The following CERT1 variants were observed in gnomAD, a reference collection of about 807,000 sequenced individuals.
CERT1 encodes the protein ceramide transporter 1, also known as ceramide transfer protein.
In CERT1, 31 loss-of-function variants were observed where a neutral mutation model predicts 87.9. The ratio of observed to expected loss-of-function variants is 0.35; its 90% confidence interval spans 0.27 to 0.48. The LOEUF is 0.48. Among genes scored for constraint, CERT1 ranks in the 20% least tolerant of loss-of-function variants. The pLI is 0.99. For missense variants in CERT1, 487 were observed against 758.0 expected (o/e 0.64, Z 4.20); for synonymous variants, 289 against 250.9 (o/e 1.15, Z -1.44).
intron 6 of CERT1, among the ~76,000 whole-genome samples, chr5:75,417,336 G>C (rs1181825174): frequency 1.3e-5 from 2 of 151,992 alleles, no homozygotes; most frequent in Non-Finnish European, 2.9e-5. Flanking sequence ...CATTCTGACA[G>C]CTTAGAGTAG....
At chr5:75,414,490 C>T (rs1346607969) in intron 7 of CERT1, among the ~76,000 whole-genome samples, 1 of 152,108 alleles carries the variant, frequency 6.6e-6, no homozygotes, top group African/African-American at 2.4e-5. Context: ...TGTAAAAGTA[C>T]ACACCTGTGA....
At chr5:75,425,318 C>T in intron 5 of CERT1, 43 bp downstream of exon 5, 4 of 1,570,414 alleles carry the variant, frequency 2.5e-6, no homozygotes, top group Non-Finnish European at 3.5e-6. Context: ...GCTTTTAATC[C>T]ATTCATTCTC....
At chr5:75,406,651 T>C (rs1156850624) in intron 8 of CERT1, among the ~76,000 whole-genome samples, 4 of 151,988 alleles carry the variant, frequency 2.6e-5, no homozygotes, top group Non-Finnish European at 1.5e-5. Context: ...GCAATTCTCC[T>C]GCCTCAGACT....
At chr5:75,500,197 A>C (rs182531439) in intron 2 of CERT1, among the ~76,000 whole-genome samples, 33 of 152,276 alleles carry the variant, frequency 2.2e-4, no homozygotes, top group African/African-American at 7.0e-4. Context: ...CAACAGAAGG[A>C]ACCAACCCTG....
intron 2 of CERT1, among the ~76,000 whole-genome samples, chr5:75,501,643 G>A (rs1767373915): frequency 6.6e-6 from 1 of 152,158 alleles, no homozygotes; most frequent in South Asian, 2.1e-4. Context: ...CAGAGGATAA[G>A]AAGGACAAGC....
Position 75,511,602 on chromosome 5 carries a change from C to G in CERT1, c.-395G>C. 6.8e-7 allele frequency: 1 copy of G among 1,467,278 alleles called. No individual in the cohort carries two copies. Among genetic ancestry groups the G allele is most frequent in the African/African-American group, 1.4e-5 (1 of 71,020 alleles). The allele number at this position is 1,467,278 out of a possible 1,614,324, so 90.9% of individuals were successfully genotyped here. On this transcript the variant is annotated 5_prime_UTR_variant, in exon 1 of 17. Transcript: ENST00000643780. ...CGTCCACTCACACCTCCGCTACCGC[C>G]GCCATCTTCCTGCCTGGCCCACTAT...
In CERT1 at chr5:75,437,768, TAA is replaced by T. The variant is rs201506124; in HGVS notation, c.349-11292_349-11291del. ...GCAACAGAGTGAGACTCTGTCTCAT[TAA>T]AAAAAAAAAAAAAAAAGAAAAAAGA... is the stretch of plus-strand genomic sequence containing the variant. On this transcript the variant is annotated intron_variant, in intron 3 of 16. Coordinates refer to ENST00000643780, the MANE Select transcript of CERT1 (RefSeq NM_001379029.1). 7.7e-3 allele frequency among the ~76,000 whole-genome samples: 857 copies of T among 110,590 alleles called. 11 individuals are homozygous for T. The highest frequency in any genetic ancestry group is 0.053 in the East Asian group (217 of 4,114). The allele number at this position is 110,590 out of a possible 152,430, so 72.6% of individuals were successfully genotyped here.
intron 5 of CERT1, among the ~76,000 whole-genome samples, chr5:75,424,873 T>C (rs773532059): frequency 1.3e-5 from 2 of 152,104 alleles, no homozygotes; most frequent in Non-Finnish European, 2.9e-5. Flanking sequence ...AACACTTTGG[T>C]AGGCCGAAGT....
intron 2 of CERT1, among the ~76,000 whole-genome samples, chr5:75,490,242 T>C (rs533703289): frequency 1.3e-5 from 2 of 152,218 alleles, no homozygotes; most frequent in African/African-American, 4.8e-5. Context: ...AAATACCTAG[T>C]GTAGATGACA....
At chr5:75,417,790 A>G (rs533973785) in intron 6 of CERT1, among the ~76,000 whole-genome samples, 2 of 152,258 alleles carry the variant, frequency 1.3e-5, no homozygotes, top group Non-Finnish European at 2.9e-5. Context: ...ACAAACTGGG[A>G]GAAAATCTTG....
At chr5:75,427,927 T>A (rs1561255388) in intron 3 of CERT1, among the ~76,000 whole-genome samples, 1 of 152,198 alleles carries the variant, frequency 6.6e-6, no homozygotes, top group Non-Finnish European at 1.5e-5. Context: ...ATTTTTAGTA[T>A]CAAACCTATG....
intron 2 of CERT1, among the ~76,000 whole-genome samples, chr5:75,501,720 T>C (rs865894918): frequency 2.6e-5 from 4 of 152,258 alleles, no homozygotes; most frequent in Middle Eastern, 6.8e-3. Flanking sequence ...ATGATGAAAG[T>C]GGTGTTTGAA....
chr5:75,504,232 C>T (rs987684636), intron 2 of CERT1, among the ~76,000 whole-genome samples: 1 of 151,984 alleles, frequency 6.6e-6, no homozygotes, highest in Non-Finnish European at 1.5e-5. Context: ...GAATAATGAT[C>T]TATCTCGGAA....
At chr5:75,410,842 A>C in intron 8 of CERT1, 169 bp downstream of exon 8, 1 of 415,234 alleles carries the variant, frequency 2.4e-6, no homozygotes, top group Non-Finnish European at 4.2e-6. Context: ...TATATATTTG[A>C]GCATGCCTGG....
At chr5:75,406,775 C>A (rs1223663138) in intron 8 of CERT1, among the ~76,000 whole-genome samples, 1 of 152,058 alleles carries the variant, frequency 6.6e-6, no homozygotes. Context: ...GAACTCCTGA[C>A]CTCAGGTGAT....
At chr5:75,396,440 A>C (rs1762256998) in intron 11 of CERT1, among the ~76,000 whole-genome samples, 1 of 152,164 alleles carries the variant, frequency 6.6e-6, no homozygotes, top group Non-Finnish European at 1.5e-5. Flanking sequence ...ATTAAGAACG[A>C]TGTAGGCCAG....
chr5:75,406,542 C>CTTTTTT (rs869232885), intron 8 of CERT1, among the ~76,000 whole-genome samples: 7 of 139,434 alleles, frequency 5.0e-5, no homozygotes, highest in Non-Finnish European at 1.1e-4. Flanking sequence ...TATGGTAAGT[C>CTTTTTT]TTTTTTTTTT....
intron 1 of CERT1, among the ~76,000 whole-genome samples, chr5:75,510,855 C>T (rs1767930725): frequency 6.6e-6 from 1 of 152,298 alleles, no homozygotes; most frequent in South Asian, 2.1e-4. Context: ...TCCCAAGTCA[C>T]GGCGCGCATC....
chr5:75,419,092 G>C (rs1301438694), intron 6 of CERT1, among the ~76,000 whole-genome samples: 1 of 152,042 alleles, frequency 6.6e-6, no homozygotes, highest in Admixed American at 6.5e-5. Context: ...AAGGTGCCAA[G>C]ACAAGGGAAA....
Sources: allele counts gnomAD v4.1 joint callset (sites outside exome capture counted in the v4.1 genomes callset), GRCh38; gene constraint gnomAD v4.1.1; transcripts MANE v1.5; gene names NCBI Gene and HGNC (gene_info 2026-07-23, HGNC 2026-07-21).